Variants in ZNF469 observed in about 807,000 individuals in gnomAD.
ZNF469 encodes zinc finger protein 469.
ZNF469 carries 1 observed loss-of-function variant against 1.0 expected under a neutral mutation model. The observed-to-expected ratio is 1.00, with a 90% CI of 0.35 to 4.73. The LOEUF is 4.73. Ranked by LOEUF, ZNF469 falls within the 30% of genes most tolerant of loss-of-function variation. The pLI is 0.16. For missense variants in ZNF469, 6,100 were observed against 5,356.3 expected (o/e 1.14, Z -4.33); for synonymous variants, 2,703 against 2,363.4 (o/e 1.14, Z -4.17).
the ZNF469 span, among the ~76,000 whole-genome samples, chr16:88,208,815 T>A: frequency 0.4 from 55,006 of 136,320 alleles, 11,894 homozygotes; most frequent in South Asian, 0.5. Context: ...TCTCTCTCTC[T>A]CTCTCTCTCT....
At chr16:88,127,865 C>G in the ZNF469 span, among the ~76,000 whole-genome samples, 3 of 152,220 alleles carry the variant, frequency 2.0e-5, no homozygotes, top group African/African-American at 7.2e-5. Context: ...GTCTCCTCAC[C>G]TCAGTTAAGT....
chr16:88,393,962 G>T (rs116533634), intron 1 of ZNF469, among the ~76,000 whole-genome samples: 5 of 152,170 alleles, frequency 3.3e-5, no homozygotes, highest in Non-Finnish European at 7.3e-5. Context: ...CCGACAGGAG[G>T]GGGGTTTGAC....
At chr16:88,140,381 A>C in the ZNF469 span, among the ~76,000 whole-genome samples, 174 of 127,820 alleles carry the variant, frequency 1.4e-3, no homozygotes, top group African/African-American at 8.3e-3. Flanking sequence ...GGGGGGTAGC[A>C]CGGAGGAAAG....
At chr16:88,204,870 C>G in the ZNF469 span, among the ~76,000 whole-genome samples, 1 of 152,198 alleles carries the variant, frequency 6.6e-6, no homozygotes, top group African/African-American at 2.4e-5. Context: ...GGGGTGATTG[C>G]TCTGAAAGTT....
the ZNF469 span, among the ~76,000 whole-genome samples, chr16:88,371,441 C>T: frequency 2.6e-4 from 39 of 152,326 alleles, no homozygotes; most frequent in South Asian, 1.0e-3. Flanking sequence ...CTCATAGTAA[C>T]GGCCTGATAA....
At chr16:88,380,922 A>C (rs1599340093), upstream of ZNF469, among the ~76,000 whole-genome samples, 1 of 50,592 alleles carries the variant, frequency 2.0e-5, no homozygotes, top group Admixed American at 2.4e-4. Flanking sequence ...ACATGCACTC[A>C]CACAGACACG....
At chr16:88,279,473 C>A in the ZNF469 span, among the ~76,000 whole-genome samples, 2 of 151,094 alleles carry the variant, frequency 1.3e-5, no homozygotes, top group African/African-American at 4.9e-5. Context: ...CGCCGACGCT[C>A]GGTCAGTACC....
At chr16:88,116,578 G>A in the ZNF469 span, among the ~76,000 whole-genome samples, 1 of 152,212 alleles carries the variant, frequency 6.6e-6, no homozygotes. Context: ...CAGGCAGAAC[G>A]TGGAGACAAC....
the ZNF469 span, among the ~76,000 whole-genome samples, chr16:88,119,668 G>T: frequency 1.3e-5 from 2 of 152,222 alleles, no homozygotes; most frequent in Non-Finnish European, 2.9e-5. Context: ...CCAGCCGTTT[G>T]GGTGGATGCT....
At chr16:88,267,554 G>A in the ZNF469 span, among the ~76,000 whole-genome samples, 3 of 152,190 alleles carry the variant, frequency 2.0e-5, no homozygotes, top group Non-Finnish European at 4.4e-5. Context: ...TACTTTTCCC[G>A]GCTGAGCTGA....
At chr16:88,321,094 G>A in the ZNF469 span, among the ~76,000 whole-genome samples, 2 of 152,252 alleles carry the variant, frequency 1.3e-5, no homozygotes, top group Non-Finnish European at 2.9e-5. Context: ...GGTTGACCAG[G>A]CTGCAGAGCG....
At chr16:88,401,871 G>C (rs1904882381) in intron 1 of ZNF469, among the ~76,000 whole-genome samples, 1 of 151,372 alleles carries the variant, frequency 6.6e-6, no homozygotes, top group South Asian at 2.1e-4. Context: ...GGAATAGGTA[G>C]ATGGATAGAT....
chr16:88,113,370 G>A, the ZNF469 span, among the ~76,000 whole-genome samples: 2 of 152,286 alleles, frequency 1.3e-5, no homozygotes, highest in African/African-American at 2.4e-5. Context: ...TTTCCCCAGG[G>A]TATGTTCTTG....
intron 1 of ZNF469, among the ~76,000 whole-genome samples, chr16:88,403,917 C>T (rs1161433651): frequency 6.6e-6 from 1 of 152,092 alleles, no homozygotes; most frequent in African/African-American, 2.4e-5. Flanking sequence ...GGAGGGGCAG[C>T]GCCCTTCCCA....
At chr16:88,407,922 G>A (rs550822611) in intron 1 of ZNF469, among the ~76,000 whole-genome samples, 11 of 152,346 alleles carry the variant, frequency 7.2e-5, no homozygotes, top group African/African-American at 1.4e-4. Context: ...ATGCCTGCAC[G>A]TGTGTGCCTG....
At chr16:88,231,556 C>T in the ZNF469 span, among the ~76,000 whole-genome samples, 1 of 152,138 alleles carries the variant, frequency 6.6e-6, no homozygotes, top group African/African-American at 2.4e-5. This position sits in a 1 kb window ranked among gnomAD's most constrained non-coding sequence, Gnocchi z 4.5. Context: ...CTGGGACCTC[C>T]AGGGGAGGGT....
chr16:88,305,378 G>A, the ZNF469 span, among the ~76,000 whole-genome samples: 39 of 118,044 alleles, frequency 3.3e-4, no homozygotes, highest in Non-Finnish European at 4.4e-4. Flanking sequence ...GCACACGCAT[G>A]CACACCCTCA....
chr16:88,405,929 C>T (rs940850672), intron 1 of ZNF469, among the ~76,000 whole-genome samples: 4 of 152,260 alleles, frequency 2.6e-5, no homozygotes, highest in Non-Finnish European at 5.9e-5. Flanking sequence ...AAAACACACA[C>T]ACACACACAT....
At chr16:88,275,444 G>A in the ZNF469 span, among the ~76,000 whole-genome samples, 1 of 152,204 alleles carries the variant, frequency 6.6e-6, no homozygotes, top group African/African-American at 2.4e-5. Context: ...TGCTGAGGAA[G>A]GCACCAAGAA....
Sources: gnomAD v4.1 joint callset for allele counts (sites outside exome capture counted in the v4.1 genomes callset) on GRCh38, gnomAD v4.1.1 for gene constraint, Gnocchi (gnomAD v3.1) non-coding constraint, MANE v1.5 for transcripts, NCBI Gene and HGNC (gene_info 2026-07-23, HGNC 2026-07-21) for gene names.